IL1RAPL1: variants seen among roughly 807,000 people sequenced by gnomAD.
IL1RAPL1 encodes the protein interleukin-1 receptor accessory protein-like 1.
In IL1RAPL1, 3 loss-of-function variants were observed where a neutral mutation model predicts 48.4. The ratio of observed to expected loss-of-function variants is 0.06; its 90% CI spans 0.03 to 0.16. The LOEUF is 0.16. IL1RAPL1 is among the 10% of genes least tolerant of loss of function. The pLI, the probability that IL1RAPL1 is intolerant of heterozygous loss-of-function variation, is 1.00. For synonymous variants in IL1RAPL1, 185 were observed against 187.7 expected (o/e 0.99, Z 0.12); for missense variants, 349 against 530.6 (o/e 0.66, Z 3.36).
intron 2 of IL1RAPL1, among the ~76,000 whole-genome samples, chrX:29,156,005 C>T (rs974934008): frequency 1.9e-4 from 21 of 110,663 alleles, no homozygotes; most frequent in Non-Finnish European, 3.6e-4. Flanking sequence ...AATAAATATA[C>T]ATTTGTAATT....
At chrX:29,260,463 C>T (rs779703526) in intron 2 of IL1RAPL1, among the ~76,000 whole-genome samples, 4 of 112,013 alleles carry the variant, frequency 3.6e-5, no homozygotes, top group South Asian at 7.4e-4. Flanking sequence ...TGCTGGGAAA[C>T]GCCCATTTAT....
chrX:29,899,532 A>ATAAC (rs1443946331), intron 6 of IL1RAPL1, among the ~76,000 whole-genome samples: 2 of 107,976 alleles, frequency 1.9e-5, no homozygotes, highest in East Asian at 2.9e-4. Context: ...AGAAATGAGA[A>ATAAC]TAACAGTGAA....
chrX:29,194,154 C>G (rs1930400593), intron 2 of IL1RAPL1, among the ~76,000 whole-genome samples: 1 of 111,866 alleles, frequency 8.9e-6, no homozygotes, highest in African/African-American at 3.2e-5. Flanking sequence ...GACTGAAATA[C>G]TTTGAATCAA....
rs182281391 is a variant in IL1RAPL1, at chrX:28,895,585, G to A, written c.82+106160G>A. The stretch of plus-strand genomic sequence containing the variant: ...AGCAGATAATAAGGGAACTGGGCAG[G>A]TGGGGATAACTAAAAAAGAGTGTTT... On this transcript the variant is annotated intron_variant, in intron 2 of 10. Transcript: ENST00000378993. Among the ~76,000 whole-genome samples the A allele has an allele frequency of 2.4e-4, 26 of 110,616 alleles. 1 individual carries two copies. The highest frequency in any genetic ancestry group is 2.0e-3 in the Admixed American group (21 of 10,397).
At chrX:29,540,472 A>G (rs1921400201) in intron 5 of IL1RAPL1, among the ~76,000 whole-genome samples, 2 of 112,007 alleles carry the variant, frequency 1.8e-5, no homozygotes, top group Admixed American at 9.5e-5. Flanking sequence ...CTGAATAGTT[A>G]AAGCAATACT....
chrX:29,872,067 C>T (rs982738400), intron 6 of IL1RAPL1, among the ~76,000 whole-genome samples: 3 of 111,505 alleles, frequency 2.7e-5, no homozygotes, highest in Non-Finnish European at 5.6e-5. Context: ...TACATTTTTC[C>T]CTCCTTGCAA....
chrX:29,956,416 C>T lies in IL1RAPL1; in HGVS notation c.*596C>T, dbSNP rs1228813409. On this transcript the variant is annotated 3_prime_UTR_variant, in exon 11 of 11. Transcript: ENST00000378993. ...AGAGCCCTGAATCTCTTCCTTGTCC[C>T]ACCTCATTCCCCACCTCTACCTTTC... 9.2e-6 allele frequency: 1 copy of T among 109,206 alleles called. No individual in the cohort carries two copies. The highest frequency in any genetic ancestry group is 3.4e-5 in the African/African-American group (1 of 29,184). The allele number at this position is 109,206 out of a possible 1,213,427, so 9.0% of individuals were successfully genotyped here. A position where few individuals can be genotyped will look rare whatever the true frequency, so the allele number is the denominator to read the frequency against.
chrX:29,770,859 A>G (rs1005414587), intron 6 of IL1RAPL1, among the ~76,000 whole-genome samples: 9 of 112,448 alleles, frequency 8.0e-5, no homozygotes, highest in African/African-American at 2.9e-4. Flanking sequence ...ATTGTTATCT[A>G]AAGGGTGTTT....
rs1930422579 is a variant in IL1RAPL1 at position 29,195,347 on chromosome X, G to A, written c.83-87591G>A. Among the ~76,000 whole-genome samples, 4 of 110,929 alleles carry A rather than the reference G, an allele frequency of 3.6e-5. No homozygotes were observed. In the South Asian group the frequency reaches 1.5e-3, roughly 42 times the overall value. ...ATGCCATGAGGGAGGCATAGATAAA[G>A]TGCTATGGAAGACCACAGAAAGATC... On this transcript the variant is annotated intron_variant, in intron 2 of 10. Coordinates refer to ENST00000378993, the MANE Select transcript of IL1RAPL1 (RefSeq NM_014271.4).
chrX:28,975,319 C>T (rs1451857246), intron 2 of IL1RAPL1, among the ~76,000 whole-genome samples: 3 of 111,724 alleles, frequency 2.7e-5, no homozygotes, highest in Non-Finnish European at 5.6e-5. Flanking sequence ...ATGCTTGCCC[C>T]CTCTGTGATA....
intron 2 of IL1RAPL1, among the ~76,000 whole-genome samples, chrX:28,918,418 C>T (rs1923539515): frequency 8.9e-6 from 1 of 111,955 alleles, no homozygotes; most frequent in Non-Finnish European, 1.9e-5. Flanking sequence ...ACGGATGCCA[C>T]CAGTAACATT....
chrX:29,459,073 ACTAT>A (rs1376119826), intron 5 of IL1RAPL1, among the ~76,000 whole-genome samples: 1 of 111,918 alleles, frequency 8.9e-6, no homozygotes, highest in African/African-American at 3.2e-5. Flanking sequence ...TTTGCCAAAC[ACTAT>A]CTAGACAACA....
chrX:28,744,038 A>G (rs1242261191), intron 1 of IL1RAPL1, among the ~76,000 whole-genome samples: 3 of 111,041 alleles, frequency 2.7e-5, no homozygotes, highest in African/African-American at 9.8e-5. Context: ...GATCCTTATC[A>G]TTTATATTTT....
chrX:28,712,850 T>C (rs2146935697), intron 1 of IL1RAPL1, among the ~76,000 whole-genome samples: 1 of 111,220 alleles, frequency 9.0e-6, no homozygotes, highest in South Asian at 3.8e-4. Context: ...AGAATTTTAA[T>C]AGTATCTTAA....
At chrX:29,115,916 CTAT>C (rs1928668772) in intron 2 of IL1RAPL1, among the ~76,000 whole-genome samples, 1 of 110,315 alleles carries the variant, frequency 9.1e-6, no homozygotes, top group Admixed American at 9.7e-5. Flanking sequence ...TGCACTCTTT[CTAT>C]TATTTTAGGT....
Position 29,879,393 on chromosome X carries a change from GTGTATA to G in IL1RAPL1, c.779-38069_779-38064del, listed in dbSNP as rs1403612289. 2.5e-4 allele frequency among the ~76,000 whole-genome samples: 24 copies of G among 96,736 alleles called. No homozygotes were observed. In the South Asian group the frequency reaches 3.9e-3, roughly 16 times the overall value. 84.0% of individuals were successfully genotyped at this position (96,736 alleles called of 115,157 possible). A position where few individuals can be genotyped will look rare whatever the true frequency, so the allele number is the denominator to read the frequency against. On this transcript the variant is annotated intron_variant, in intron 6 of 10. Coordinates refer to ENST00000378993, the MANE Select transcript of IL1RAPL1 (RefSeq NM_014271.4). ...TGTGTGTGTGTGTGTGTGTGTGTGTGTGTATATATATATATATAATATTTGTGTACA... is the reference window on the plus strand; with the variant it reads ...TGTGTGTGTGTGTGTGTGTGTGTGTGTATATATATATAATATTTGTGTACA...
intron 2 of IL1RAPL1, among the ~76,000 whole-genome samples, chrX:29,099,609 C>G (rs1270072830): frequency 2.7e-5 from 3 of 111,683 alleles, no homozygotes; most frequent in Non-Finnish European, 5.6e-5. Context: ...GTTTGTAAAT[C>G]CCATGTGTTA....
intron 6 of IL1RAPL1, among the ~76,000 whole-genome samples, chrX:29,799,801 A>G (rs1344934338): frequency 1.8e-5 from 2 of 111,649 alleles, no homozygotes; most frequent in African/African-American, 6.5e-5. Flanking sequence ...TTTAAAAAGC[A>G]TTGTTCCCTG....
intron 6 of IL1RAPL1, among the ~76,000 whole-genome samples, chrX:29,727,376 C>T (rs1266906116): frequency 8.9e-6 from 1 of 112,063 alleles, no homozygotes; most frequent in Non-Finnish European, 1.9e-5. Flanking sequence ...CATCTTCCTA[C>T]TGCGCTTTAT....
Sources: gnomAD v4.1 joint callset for allele counts (sites outside exome capture counted in the v4.1 genomes callset) on GRCh38, gnomAD v4.1.1 for gene constraint, MANE v1.5 for transcripts, NCBI Gene and HGNC (gene_info 2026-07-23, HGNC 2026-07-21) for gene names.